The following SLC9A2 variants were observed in gnomAD, a reference collection of about 807,000 sequenced individuals.
SLC9A2 encodes the protein solute carrier family 9 member A2, also known as sodium/hydrogen exchanger 2.
A neutral mutation model predicts 71.7 loss-of-function variants in SLC9A2; 42 were observed. That is an observed-to-expected ratio of 0.59 (90% confidence interval 0.46 to 0.76). SLC9A2 has a LOEUF of 0.76. SLC9A2 is among the 30% of genes least tolerant of loss of function. The pLI is 0.00. For synonymous variants in SLC9A2, 396 were observed against 392.5 expected (o/e 1.01, Z -0.10); for missense variants, 829 against 1,017.4 (o/e 0.81, Z 2.52).
In SLC9A2 at chr2:102,684,271, T is replaced by C. The variant is rs1443843603; in HGVS notation, c.1360T>C (p.Phe454Leu). The C allele has an allele frequency of 6.2e-7, 1 of 1,614,234 alleles. No homozygotes were observed. The change falls in exon 5 of 12, where the codon TTT (phenylalanine) becomes CTT (leucine). Residue 454 changes from phenylalanine to leucine, a missense_variant. This residue lies in a region of SLC9A2 where 500 missense variants were observed against 726.3 expected (regional missense o/e 0.69). Coordinates refer to ENST00000233969, the MANE Select transcript of SLC9A2 (RefSeq NM_003048.6). Reference protein sequence around the residue: ...ALVFLLPAAVFPRKKLFITAA... With the variant: ...ALVFLLPAAVLPRKKLFITAA... The stretch of plus-strand genomic sequence containing the variant: ...AGTGTTTCTCCTTCCTGCTGCTGTG[T>C]TTCCTCGGAAAAAATTGTTTATTAC...
intron 1 of SLC9A2, among the ~76,000 whole-genome samples, chr2:102,653,399 T>G (rs936333744): frequency 1.3e-5 from 2 of 152,236 alleles, no homozygotes; most frequent in African/African-American, 4.8e-5. Context: ...TGGATTTTCC[T>G]CTGCCTCACT....
chr2:102,667,012 G>A (rs865916140), intron 3 of SLC9A2, among the ~76,000 whole-genome samples: 2 of 152,322 alleles, frequency 1.3e-5, no homozygotes, highest in Middle Eastern at 3.4e-3. Context: ...GTCTGTATCA[G>A]AAGCAGATGA....
chr2:102,670,755 G>A (rs954915094), intron 3 of SLC9A2, among the ~76,000 whole-genome samples: 2 of 151,850 alleles, frequency 1.3e-5, no homozygotes, highest in Non-Finnish European at 2.9e-5. Flanking sequence ...TGGTGAAGGT[G>A]CGAAGATCAT....
At chr2:102,668,604 A>G (rs903305119) in intron 3 of SLC9A2, among the ~76,000 whole-genome samples, 1 of 152,242 alleles carries the variant, frequency 6.6e-6, no homozygotes, top group Non-Finnish European at 1.5e-5. Context: ...GAGTGAAGGC[A>G]TCTGACGTAC....
intron 5 of SLC9A2, among the ~76,000 whole-genome samples, chr2:102,690,791 C>T (rs532812965): frequency 1.3e-5 from 2 of 152,194 alleles, no homozygotes; most frequent in Admixed American, 6.5e-5. Flanking sequence ...AAAGACCTTC[C>T]ATAAGACAGC....
chr2:102,691,110 A>T (rs1677653537), intron 5 of SLC9A2, among the ~76,000 whole-genome samples: 1 of 152,192 alleles, frequency 6.6e-6, no homozygotes, highest in Non-Finnish European at 1.5e-5. Flanking sequence ...ATGGAACAAG[A>T]TGCAAAACCA....
At chr2:102,662,905 G>T (rs1677074090) in intron 2 of SLC9A2, among the ~76,000 whole-genome samples, 1 of 152,200 alleles carries the variant, frequency 6.6e-6, no homozygotes, top group Admixed American at 6.5e-5. Context: ...CCTAGGTGCA[G>T]GCTGGAGGCT....
intron 1 of SLC9A2, among the ~76,000 whole-genome samples, chr2:102,633,996 G>A (rs184857322): frequency 2.0e-3 from 309 of 152,302 alleles, no homozygotes; most frequent in Non-Finnish European, 3.5e-3. Context: ...GCTCAATGAG[G>A]GAAAGGATTT....
chr2:102,708,568 G>A lies in SLC9A2; in HGVS notation c.*79G>A. 6.7e-7 allele frequency: 1 copy of A among 1,492,856 alleles called. No homozygotes were observed. The highest frequency in any genetic ancestry group is 2.3e-5 in the East Asian group (1 of 44,052). 92.5% of individuals were successfully genotyped at this position (1,492,856 alleles called of 1,614,324 possible). A position where few individuals can be genotyped will look rare whatever the true frequency, so the allele number is the denominator to read the frequency against. ...CACTCTGAAACCTGATGCAACAGTG[G>A]AATCCATGTAAAACTCTCTGTGCAT... On this transcript the variant is annotated 3_prime_UTR_variant, in exon 12 of 12. Transcript: ENST00000233969.
intron 7 of SLC9A2, among the ~76,000 whole-genome samples, chr2:102,700,829 A>G (rs185250404): frequency 6.6e-6 from 1 of 152,292 alleles, no homozygotes; most frequent in Non-Finnish European, 1.5e-5. Context: ...ATGTGTATGT[A>G]TATATACATA....
chr2:102,661,353 G>A (rs1677046040), intron 2 of SLC9A2, among the ~76,000 whole-genome samples: 1 of 152,188 alleles, frequency 6.6e-6, no homozygotes, highest in Non-Finnish European at 1.5e-5. Context: ...GACCCCAGAG[G>A]CCCAGTCACT....
chr2:102,659,584 T>C (rs562999407), intron 2 of SLC9A2, among the ~76,000 whole-genome samples: 21 of 152,354 alleles, frequency 1.4e-4, no homozygotes, highest in Admixed American at 2.0e-4. Flanking sequence ...TGAACATTAT[T>C]GTATAGAAGA....
At chr2:102,692,611 TTAAGTA>T (rs1677685582) in intron 5 of SLC9A2, among the ~76,000 whole-genome samples, 2 of 152,166 alleles carry the variant, frequency 1.3e-5, no homozygotes, top group South Asian at 4.1e-4. Context: ...ATGCATTACT[TTAAGTA>T]TATTTACTGA....
chr2:102,626,125 A>G (rs1045523499), intron 1 of SLC9A2, among the ~76,000 whole-genome samples: 5 of 152,126 alleles, frequency 3.3e-5, no homozygotes, highest in Admixed American at 6.5e-5. Context: ...TCAATCCTAA[A>G]CCAAAGGAAC....
chr2:102,642,117 AT>A (rs1676594822), intron 1 of SLC9A2, among the ~76,000 whole-genome samples: 1 of 152,252 alleles, frequency 6.6e-6, no homozygotes, highest in Middle Eastern at 3.4e-3. Context: ...AACATAAGTT[AT>A]TTATCAATTT....
chr2:102,681,278 G>A (rs1394652034), intron 3 of SLC9A2, among the ~76,000 whole-genome samples: 6 of 149,176 alleles, frequency 4.0e-5, no homozygotes, highest in African/African-American at 1.5e-4. Context: ...GTCTCATTTT[G>A]CATAGCTGGA....
chr2:102,666,222 G>T (rs1208447196), intron 3 of SLC9A2, among the ~76,000 whole-genome samples: 1 of 141,780 alleles, frequency 7.1e-6, no homozygotes, highest in African/African-American at 2.7e-5. Context: ...TTGAGGCGGA[G>T]TCTCGCTCTC....
intron 5 of SLC9A2, among the ~76,000 whole-genome samples, chr2:102,690,607 AG>A (rs1677640516): frequency 6.6e-6 from 1 of 152,194 alleles, no homozygotes; most frequent in Non-Finnish European, 1.5e-5. Flanking sequence ...GGACAGACAT[AG>A]AAGGGGAAAT....
intron 1 of SLC9A2, among the ~76,000 whole-genome samples, chr2:102,652,121 T>G (rs1224086639): frequency 6.6e-6 from 1 of 152,222 alleles, no homozygotes; most frequent in Non-Finnish European, 1.5e-5. Flanking sequence ...AAGTGTTGAC[T>G]AAAGAAAACA....
Sources: allele counts gnomAD v4.1 joint callset (sites outside exome capture counted in the v4.1 genomes callset), GRCh38; gene constraint gnomAD v4.1.1; regional missense constraint gnomAD v4.1.1; transcripts MANE v1.5; gene names NCBI Gene and HGNC (gene_info 2026-07-23, HGNC 2026-07-21).